Variants in PDE4B observed in about 807,000 individuals in gnomAD.
The protein encoded by PDE4B is 3',5'-cyclic-AMP phosphodiesterase 4B.
Under a neutral mutation model 82.2 loss-of-function variants are expected in PDE4B, and 20 were observed. That is an observed-to-expected ratio of 0.24 (90% CI 0.17 to 0.35). PDE4B has a LOEUF of 0.35. Ranked by LOEUF, PDE4B falls within the 10% of genes least tolerant of loss-of-function variation. PDE4B has a pLI of 1.00. For synonymous variants in PDE4B, 320 were observed against 318.9 expected, an observed-to-expected ratio of 1.00 and a Z score of -0.04; for missense variants, 655 against 907.2, an observed-to-expected ratio of 0.72 and a Z score of 3.57.
chr1:66,234,953 A>G (rs1049681299), intron 3 of PDE4B, among the ~76,000 whole-genome samples: 11 of 152,126 alleles, frequency 7.2e-5, no homozygotes, highest in Admixed American at 4.6e-4. Flanking sequence ...ATTTTAACAT[A>G]TAATGTTTTC....
At chr1:66,200,421 A>T (rs921209358) in intron 3 of PDE4B, among the ~76,000 whole-genome samples, 1 of 152,266 alleles carries the variant, frequency 6.6e-6, no homozygotes, top group African/African-American at 2.4e-5. Flanking sequence ...CACTGAATCT[A>T]TAAATTACCT....
At chr1:66,005,316 T>C (rs1401882851) in intron 3 of PDE4B, among the ~76,000 whole-genome samples, 1 of 152,058 alleles carries the variant, frequency 6.6e-6, no homozygotes, top group East Asian at 1.9e-4. Flanking sequence ...TGCAGAAAGA[T>C]AATAACAAGC....
At chr1:66,370,012 A>C (rs1408114638) in intron 16 of PDE4B, among the ~76,000 whole-genome samples, 1 of 151,968 alleles carries the variant, frequency 6.6e-6, no homozygotes, top group Non-Finnish European at 1.5e-5. Context: ...TTGGTCGAGC[A>C]TGGTAGTGTG....
intron 3 of PDE4B, among the ~76,000 whole-genome samples, chr1:66,181,442 C>CT (rs1385842729): frequency 1.3e-5 from 2 of 152,108 alleles, no homozygotes; most frequent in African/African-American, 4.8e-5. Flanking sequence ...TTTCTGGAAC[C>CT]TTTTTATTAA....
chr1:66,112,306 A>G (rs901199543), intron 3 of PDE4B, among the ~76,000 whole-genome samples: 5 of 152,132 alleles, frequency 3.3e-5, no homozygotes, highest in Non-Finnish European at 4.4e-5. Flanking sequence ...TAGATCATTT[A>G]TTACAATTTA....
intron 3 of PDE4B, among the ~76,000 whole-genome samples, chr1:65,941,400 G>C (rs1175488721): frequency 2.6e-5 from 4 of 151,988 alleles, no homozygotes; most frequent in Non-Finnish European, 5.9e-5. Flanking sequence ...GACCAAACAG[G>C]CAGCTGGACC....
intron 3 of PDE4B, among the ~76,000 whole-genome samples, chr1:66,135,316 T>G (rs1201015266): frequency 2.6e-5 from 4 of 152,166 alleles, no homozygotes; most frequent in Admixed American, 6.5e-5. Flanking sequence ...TACCATCAGA[T>G]TTTTACTTTT....
At chr1:66,301,804 C>A (rs555330675) in intron 7 of PDE4B, among the ~76,000 whole-genome samples, 1 of 152,066 alleles carries the variant, frequency 6.6e-6, no homozygotes, top group African/African-American at 2.4e-5. Context: ...TCTACCCATG[C>A]GAGTTATAAA....
chr1:66,183,110 A>G (rs1647104988), intron 3 of PDE4B, among the ~76,000 whole-genome samples: 1 of 152,124 alleles, frequency 6.6e-6, no homozygotes, highest in South Asian at 2.1e-4. Context: ...CACCACCCAG[A>G]CCAGTTCCCA....
At chr1:66,371,049 A>G (rs914500750) in intron 16 of PDE4B, among the ~76,000 whole-genome samples, 19 of 119,662 alleles carry the variant, frequency 1.6e-4, no homozygotes, top group Non-Finnish European at 2.9e-4. Flanking sequence ...ATATATATAT[A>G]CACACATCAT....
chr1:66,264,997 C>A (rs1021924493), intron 6 of PDE4B, among the ~76,000 whole-genome samples: 1 of 152,240 alleles, frequency 6.6e-6, no homozygotes, highest in Non-Finnish European at 1.5e-5. Flanking sequence ...AACCACTGGA[C>A]TAGAGTCTCA....
intron 7 of PDE4B, chr1:66,330,930 G>GT: frequency 2.8e-5 from 8 of 285,050 alleles, no homozygotes; most frequent in Non-Finnish European, 4.2e-5. Context: ...AAAAATGGAG[G>GT]AAGTTACCTC....
chr1:66,168,817 G>A (rs1376218220), intron 3 of PDE4B, among the ~76,000 whole-genome samples: 4 of 152,086 alleles, frequency 2.6e-5, no homozygotes, highest in South Asian at 2.1e-4. Context: ...ATTAAGTTTC[G>A]ACCATCTGTG....
At chr1:65,807,149 A>G (rs528529595) in intron 1 of PDE4B, among the ~76,000 whole-genome samples, 3 of 152,320 alleles carry the variant, frequency 2.0e-5, no homozygotes, top group Non-Finnish European at 2.9e-5. Flanking sequence ...AGATGATCAA[A>G]TCATAAAGAG....
intron 3 of PDE4B, among the ~76,000 whole-genome samples, chr1:66,114,218 C>T (rs192986993): frequency 6.6e-6 from 1 of 152,090 alleles, no homozygotes; most frequent in African/African-American, 2.4e-5. Flanking sequence ...TTAGCCAGCA[C>T]CTTGATCTCG....
At chr1:66,111,144 C>T (rs895906832) in intron 3 of PDE4B, among the ~76,000 whole-genome samples, 4 of 151,990 alleles carry the variant, frequency 2.6e-5, no homozygotes, top group African/African-American at 9.7e-5. Context: ...CAAATTCTTA[C>T]CCCACATGAA....
chr1:65,898,910 G>A (rs1294403297), intron 1 of PDE4B, among the ~76,000 whole-genome samples: 4 of 151,928 alleles, frequency 2.6e-5, no homozygotes, highest in Admixed American at 6.6e-5. Context: ...GCTTAGGCAA[G>A]GATTTTATGA....
intron 3 of PDE4B, among the ~76,000 whole-genome samples, chr1:66,212,767 T>C (rs980641454): frequency 6.6e-6 from 1 of 152,162 alleles, no homozygotes; most frequent in African/African-American, 2.4e-5. Flanking sequence ...CTCCCTGAGA[T>C]CTGCTATAGA....
At chr1:66,079,812 A>C (rs1246517578) in intron 3 of PDE4B, among the ~76,000 whole-genome samples, 1 of 152,168 alleles carries the variant, frequency 6.6e-6, no homozygotes, top group Non-Finnish European at 1.5e-5. Flanking sequence ...GAACTCTATT[A>C]AAATACAATT....
Sources: gnomAD v4.1 joint callset for allele counts (sites outside exome capture counted in the v4.1 genomes callset) on GRCh38, gnomAD v4.1.1 for gene constraint, MANE v1.5 for transcripts, NCBI Gene and HGNC (gene_info 2026-07-23, HGNC 2026-07-21) for gene names.